RP1: variants seen among roughly 807,000 people sequenced by gnomAD.
RP1 encodes RP1 axonemal microtubule associated, also known as oxygen-regulated protein 1.
A neutral mutation model predicts 14.8 loss-of-function variants in RP1; 16 were observed. The ratio of observed to expected loss-of-function variants is 1.08; its 90% CI spans 0.73 to 1.65. The LOEUF is 1.65. Ranked by LOEUF, RP1 falls within the 40% of genes most tolerant of loss-of-function variation. The pLI is 0.00. For missense variants in RP1, 2,631 were observed against 2,535.0 expected, an observed-to-expected ratio of 1.04 and a Z score of -0.81; for synonymous variants, 876 against 883.6, an observed-to-expected ratio of 0.99 and a Z score of 0.15.
intron 3 of RP1, among the ~76,000 whole-genome samples, chr8:54,640,987 T>C (rs1235509580): frequency 7.0e-6 from 1 of 143,790 alleles, no homozygotes; most frequent in Non-Finnish European, 1.5e-5. Flanking sequence ...TGAGACAGAG[T>C]CTTGCCGTGT....
chr8:54,582,380 G>T (rs952780473), intron 1 of RP1, among the ~76,000 whole-genome samples: 5 of 152,056 alleles, frequency 3.3e-5, no homozygotes, highest in African/African-American at 1.2e-4. Context: ...TTTGGTACCA[G>T]TACCATGCTG....
chr8:54,583,622 T>C (rs1347791156), intron 1 of RP1, among the ~76,000 whole-genome samples: 2 of 152,206 alleles, frequency 1.3e-5, no homozygotes, highest in Non-Finnish European at 2.9e-5. Flanking sequence ...TGTGAATCCA[T>C]CTGGTCCTGT....
chr8:54,690,540 T>C (rs559272754), intron 12 of RP1, among the ~76,000 whole-genome samples: 8 of 152,088 alleles, frequency 5.3e-5, no homozygotes, highest in Non-Finnish European at 1.2e-4. Context: ...TACTGAGAAC[T>C]TCAATCCCTA....
chr8:54,691,957 C>T (rs929621224), intron 12 of RP1, among the ~76,000 whole-genome samples: 3 of 151,892 alleles, frequency 2.0e-5, no homozygotes, highest in Admixed American at 6.6e-5. Flanking sequence ...CTAATGCTGT[C>T]GCTCCCCCCT....
chr8:54,748,092 C>A (rs1044971720), intron 19 of RP1, among the ~76,000 whole-genome samples: 18 of 152,294 alleles, frequency 1.2e-4, no homozygotes, highest in African/African-American at 4.3e-4. Context: ...TAACCTACTG[C>A]TGGTTAATAT....
chr8:54,627,351 T>C lies in RP1; in HGVS notation c.3469T>C (p.Ser1157Pro). 6.2e-7 allele frequency: 1 copy of C among 1,614,134 alleles called. No homozygotes were observed. Among genetic ancestry groups the C allele is most frequent in the Non-Finnish European group, 8.5e-7 (1 of 1,179,984 alleles). ...QVDAHKATNK[S>P]SETLALLEIL... ...TGATGCTCACAAGGCTACCAACAAA[T>C]CTTCAGAAACACTTGCATTGTTGGA... Residue 1157 changes from serine to proline, a missense_variant, in exon 4 of 4, where the codon TCT (serine) becomes CCT (proline). Coordinates refer to ENST00000220676, the MANE Select transcript of RP1 (RefSeq NM_006269.2).
chr8:54,781,047 C>T, intron 23 of RP1: 1 of 984,272 alleles, frequency 1.0e-6, no homozygotes, highest in Non-Finnish European at 1.2e-6. Flanking sequence ...GTATTTTTAA[C>T]ACAAAAGGAA....
intron 24 of RP1, among the ~76,000 whole-genome samples, chr8:54,799,732 C>T (rs1810657973): frequency 6.6e-6 from 1 of 151,930 alleles, no homozygotes; most frequent in African/African-American, 2.4e-5. Flanking sequence ...AAATAATATG[C>T]TACCCCATGT....
chr8:54,683,995 G>GT (rs35978244), intron 12 of RP1, among the ~76,000 whole-genome samples: 1,393 of 132,016 alleles, frequency 0.011, 15 homozygotes, highest in East Asian at 0.024. Context: ...TTGCTTGAGA[G>GT]TTTTTTTTTT....
At chr8:54,705,659 G>A (rs1449245240) in intron 14 of RP1, among the ~76,000 whole-genome samples, 1 of 152,148 alleles carries the variant, frequency 6.6e-6, no homozygotes, top group African/African-American at 2.4e-5. Flanking sequence ...AGAAGCTGAG[G>A]CGAAGGTCAG....
Position 54,624,846 on chromosome 8 carries a change from T to A in RP1, c.964T>A (p.Ser322Thr), listed in dbSNP as rs1391686579. 6.2e-7 allele frequency: 1 copy of A among 1,613,294 alleles called. No individual in the cohort carries two copies. Among genetic ancestry groups the A allele is most frequent in the East Asian group, 2.2e-5 (1 of 44,868 alleles). The change falls in exon 4 of 4, where the codon TCA (serine) becomes ACA (threonine). Residue 322 changes from serine (S) to threonine (T), a missense_variant. Transcript: ENST00000220676. ...TCCTTCTGAAGATGATATTGAGAAA[T>A]CAATTATTTTTAATCAAGACGGCAC... ...IYPSEDDIEKSIIFNQDGTMT... is the reference protein window; with the variant it reads ...IYPSEDDIEKTIIFNQDGTMT...
intron 12 of RP1, among the ~76,000 whole-genome samples, chr8:54,681,365 G>T (rs976703081): frequency 2.0e-5 from 3 of 151,984 alleles, no homozygotes; most frequent in South Asian, 4.2e-4. Flanking sequence ...CTCCAGTCCT[G>T]CAGTATCATG....
At chr8:54,631,770 G>A (rs1341268277), downstream of RP1, among the ~76,000 whole-genome samples, 2 of 151,954 alleles carry the variant, frequency 1.3e-5, no homozygotes, top group African/African-American at 4.8e-5. Flanking sequence ...AAGTAGGTGG[G>A]ACTGCAGGCA....
chr8:54,565,506 A>C (rs1047934535), intron 1 of RP1, among the ~76,000 whole-genome samples: 4 of 152,206 alleles, frequency 2.6e-5, no homozygotes, highest in Admixed American at 1.3e-4. Flanking sequence ...TGGAGGTTGC[A>C]AAAACCAAAA....
downstream of RP1, among the ~76,000 whole-genome samples, chr8:54,772,690 A>G (rs146907225): frequency 6.2e-4 from 95 of 152,322 alleles, no homozygotes; most frequent in Admixed American, 4.0e-3. Context: ...AAGTCACACA[A>G]ACAGATTTAG....
At chr8:54,823,841 T>C (rs1428626998) in intron 24 of RP1, among the ~76,000 whole-genome samples, 1 of 152,230 alleles carries the variant, frequency 6.6e-6, no homozygotes, top group African/African-American at 2.4e-5. Flanking sequence ...CTAGGTTGTA[T>C]GGTAGTGTAT....
chr8:54,820,658 T>C (rs1452288690), intron 24 of RP1, among the ~76,000 whole-genome samples: 1 of 152,138 alleles, frequency 6.6e-6, no homozygotes, highest in Non-Finnish European at 1.5e-5. Context: ...TGTGGAGGGC[T>C]GGTGTGGGCA....
chr8:54,783,674 C>G (rs1810245343), exon 24 of RP1: 2 of 1,231,260 alleles, frequency 1.6e-6, no homozygotes, highest in East Asian at 3.2e-5. Flanking sequence ...CTGGGAAACA[C>G]CAGCTGTTTA....
At chr8:54,694,566 G>A (rs186752669) in intron 12 of RP1, among the ~76,000 whole-genome samples, 51 of 152,280 alleles carry the variant, frequency 3.3e-4, no homozygotes, top group Admixed American at 3.2e-3. Context: ...ATGTGTTGCG[G>A]AATTTATCCA....
Sources: gnomAD v4.1 joint callset for allele counts (sites outside exome capture counted in the v4.1 genomes callset) on GRCh38, gnomAD v4.1.1 for gene constraint, MANE v1.5 for transcripts, NCBI Gene and HGNC (gene_info 2026-07-23, HGNC 2026-07-21) for gene names.